The following USP8 variants were observed in gnomAD, a reference collection of about 807,000 sequenced individuals.
USP8 encodes ubiquitin specific peptidase 8, also known as ubiquitin carboxyl-terminal hydrolase 8.
Under a neutral mutation model 130.0 loss-of-function variants are expected in USP8, and 27 were observed. The ratio of observed to expected loss-of-function variants is 0.21; its 90% CI spans 0.15 to 0.29. The LOEUF is 0.29. USP8 is among the 10% of genes least tolerant of loss of function. USP8 has a pLI of 1.00. For missense variants in USP8, 1,029 were observed against 1,312.2 expected (o/e 0.78, Z 3.33); for synonymous variants, 392 against 444.1 (o/e 0.88, Z 1.48).
intron 10 of USP8, among the ~76,000 whole-genome samples, chr15:50,481,267 G>C (rs2051757367): frequency 6.6e-6 from 1 of 152,170 alleles, no homozygotes; most frequent in African/African-American, 2.4e-5. Context: ...TGAAAGTGTT[G>C]AATCAAGAGG....
At chr15:50,472,156 A>C (rs1035419433) in intron 8 of USP8, among the ~76,000 whole-genome samples, 21 of 151,824 alleles carry the variant, frequency 1.4e-4, no homozygotes, top group Admixed American at 2.0e-4. Context: ...CTGCCTTGGC[A>C]TCCCAAAGTG....
chr15:50,437,240 A>T (rs1381900232), intron 1 of USP8, among the ~76,000 whole-genome samples: 3 of 152,142 alleles, frequency 2.0e-5, no homozygotes, highest in Non-Finnish European at 4.4e-5. Flanking sequence ...ATACTACCCA[A>T]TTTGAGAACT....
intron 10 of USP8, among the ~76,000 whole-genome samples, chr15:50,478,366 C>G (rs2051643506): frequency 6.6e-6 from 1 of 152,172 alleles, no homozygotes. Flanking sequence ...AATGTTCCCC[C>G]TCCATGCATT....
Position 50,487,143 on chromosome 15 carries a change from T to G in USP8, c.1891-2658T>G, listed in dbSNP as rs570836259. On this transcript the variant is annotated intron_variant, in intron 12 of 19. Coordinates refer to ENST00000307179, the MANE Select transcript of USP8 (RefSeq NM_005154.5). ...CATCTGGGGAAAAAAAAAAAACAAC[T>G]TATTAATGTAACCAAATATCACCTG... Among the ~76,000 whole-genome samples, 43 of 151,806 alleles carry G rather than the reference T, an allele frequency of 2.8e-4. 1 individual carries two copies. In the South Asian group the frequency reaches 2.9e-3, roughly 10 times the overall value.
At chr15:50,426,407 A>G (rs1162710314) in intron 1 of USP8, among the ~76,000 whole-genome samples, 1 of 152,216 alleles carries the variant, frequency 6.6e-6, no homozygotes, top group African/African-American at 2.4e-5. Context: ...ACTCCAAAAC[A>G]TAGTGACTTA....
At chr15:50,439,360 T>C (rs114703543) in intron 2 of USP8, among the ~76,000 whole-genome samples, 183 bp downstream of exon 2, 3,216 of 152,304 alleles carry the variant, frequency 0.021, 104 homozygotes, top group African/African-American at 0.073. Flanking sequence ...TCTGCTCATA[T>C]GCATATTATC....
At position 50,459,083 on chromosome 15, in the gene USP8, A is replaced by C; in HGVS notation, c.419A>C (p.Glu140Ala). 1 of 1,614,156 alleles carries C rather than the reference A, an allele frequency of 6.2e-7. No homozygotes were observed. The highest frequency in any genetic ancestry group is 8.5e-7 in the Non-Finnish European group (1 of 1,180,030). ...CAGCGGCTACAACAAAAAAGGCAGG[A>C]AACAGGAAGAGAGGATGGTGGCACA... is the stretch of plus-strand genomic sequence containing the variant. Reference protein sequence around the residue: ...EAQRLQQKRQETGREDGGTLA... With the variant: ...EAQRLQQKRQATGREDGGTLA... The change falls in exon 5 of 20, where the codon GAA (glutamate) becomes GCA (alanine). Residue 140 changes from glutamate to alanine, a missense_variant. By Grantham distance (107) the Glu-to-Ala change is moderately radical (BLOSUM62 -1). This residue lies in a region of USP8 where 281 missense variants were observed against 336.7 expected (regional missense o/e 0.83). Coordinates refer to ENST00000307179, the MANE Select transcript of USP8 (RefSeq NM_005154.5).
intron 1 of USP8, among the ~76,000 whole-genome samples, chr15:50,428,191 A>G (rs1018277911): frequency 2.0e-5 from 3 of 152,026 alleles, no homozygotes; most frequent in Admixed American, 6.6e-5. Context: ...ATCTCGGCTC[A>G]CTGCACCCTC....
intron 1 of USP8, among the ~76,000 whole-genome samples, chr15:50,435,112 T>C (rs1176303256): frequency 6.6e-6 from 1 of 152,256 alleles, no homozygotes; most frequent in East Asian, 1.9e-4. Flanking sequence ...CATTCAGTCA[T>C]TCTAGTCAAT....
intron 7 of USP8, among the ~76,000 whole-genome samples, chr15:50,469,276 TAAA>T (rs2051297716): frequency 1.3e-5 from 2 of 151,918 alleles, no homozygotes; most frequent in Non-Finnish European, 1.5e-5. Flanking sequence ...TTTATTTAAG[TAAA>T]AAATTATTTT....
intron 1 of USP8, 59 bp from the exon 2 acceptor site, chr15:50,438,950 T>C: frequency 1.5e-6 from 1 of 665,964 alleles, no homozygotes; most frequent in Non-Finnish European, 2.4e-6. Context: ...TTTTTTAAAC[T>C]GCTCACTTGT....
intron 11 of USP8, among the ~76,000 whole-genome samples, chr15:50,482,374 AC>A (rs2051805972): frequency 6.6e-6 from 1 of 152,248 alleles, no homozygotes; most frequent in Non-Finnish European, 1.5e-5. Context: ...TCATGGGAAG[AC>A]TAGAGTGAAA....
Position 50,439,135 on chromosome 15 carries a change from A to G in USP8, c.62A>G (p.Asn21Ser). Reference sequence around the variant, plus strand: ...CTCAGTTCTTCACTAAAAGACCTTAATAAGAAGACAGAAGTTAAACCAGAG... The same window carrying G: ...CTCAGTTCTTCACTAAAAGACCTTAGTAAGAAGACAGAAGTTAAACCAGAG... ...LYLSSSLKDLNKKTEVKPEKI... is the reference protein window; with the variant it reads ...LYLSSSLKDLSKKTEVKPEKI... Residue 21 changes from asparagine to serine, a missense_variant, in exon 2 of 20, where the codon AAT becomes AGT. By Grantham distance (46) the Asn-to-Ser change is conservative (BLOSUM62 1). Around this residue, in one of 4 missense-constraint regions of USP8, gnomAD observed 281 missense variants for 336.7 expected, o/e 0.83. Coordinates refer to ENST00000307179, the MANE Select transcript of USP8 (RefSeq NM_005154.5). 2 of 1,589,292 alleles carry G rather than the reference A, an allele frequency of 1.3e-6. No individual in the cohort carries two copies. Among genetic ancestry groups the G allele is most frequent in the Non-Finnish European group, 1.7e-6 (2 of 1,172,656 alleles).
At chr15:50,475,954 T>C (rs2051554775) in intron 8 of USP8, among the ~76,000 whole-genome samples, 2 of 152,188 alleles carry the variant, frequency 1.3e-5, no homozygotes, top group South Asian at 2.1e-4. Context: ...AGCAATATAT[T>C]GAAAACCTTA....
In USP8 at chr15:50,502,826, A is replaced by G. The variant is rs2052610540; in HGVS notation, c.*3738A>G. ...AAATGGATCTGACTAGTTAATTCCA[A>G]CGTGAATTCGGGTGTAATAGTACAT... On this transcript the variant is annotated 3_prime_UTR_variant, in exon 20 of 20. Coordinates refer to ENST00000307179, the MANE Select transcript of USP8 (RefSeq NM_005154.5). 6.6e-6 allele frequency: 1 copy of G among 152,264 alleles called. No individual in the cohort carries two copies. Among genetic ancestry groups the G allele is most frequent in the Non-Finnish European group, 1.5e-5 (1 of 68,086 alleles). 9.4% of individuals were successfully genotyped at this position (152,264 alleles called of 1,614,324 possible). A position where few individuals can be genotyped will look rare whatever the true frequency, so the allele number is the denominator to read the frequency against.
intron 11 of USP8, among the ~76,000 whole-genome samples, chr15:50,483,898 T>A (rs1167632118): frequency 6.6e-6 from 1 of 152,232 alleles, no homozygotes; most frequent in Non-Finnish European, 1.5e-5. Flanking sequence ...TCTTGAATAC[T>A]TCAAATTTTT....
intron 3 of USP8, among the ~76,000 whole-genome samples, chr15:50,446,270 C>T (rs1270538235): frequency 3.9e-5 from 6 of 152,134 alleles, no homozygotes; most frequent in Non-Finnish European, 2.9e-5. Context: ...TTTATATTTA[C>T]TTTAACTGTG....
chr15:50,432,287 G>T (rs958038818), intron 1 of USP8: 60 of 152,116 alleles, frequency 3.9e-4, no homozygotes, highest in African/African-American at 1.4e-3. Flanking sequence ...TCTTTACTTT[G>T]TTGCCCACTT....
At chr15:50,477,781 C>T (rs1007557814) in intron 10 of USP8, among the ~76,000 whole-genome samples, 2 of 150,518 alleles carry the variant, frequency 1.3e-5, no homozygotes, top group Admixed American at 1.3e-4. Flanking sequence ...GCGGAGGTTG[C>T]AGTGAGTCGA....
Sources: allele counts gnomAD v4.1 joint callset (sites outside exome capture counted in the v4.1 genomes callset), GRCh38; gene constraint gnomAD v4.1.1; regional missense constraint gnomAD v4.1.1; transcripts MANE v1.5; gene names NCBI Gene and HGNC (gene_info 2026-07-23, HGNC 2026-07-21).